The following CDH20 variants were observed in gnomAD, a reference collection of about 807,000 sequenced individuals.
CDH20 encodes the protein cadherin 20.
A neutral mutation model predicts 74.2 loss-of-function variants in CDH20; 29 were observed. The observed-to-expected ratio is 0.39, with a 90% CI of 0.29 to 0.53. The LOEUF (loss-of-function observed/expected upper bound fraction) is 0.53, where lower values mean the gene tolerates loss of function less well. Ranked by LOEUF, CDH20 falls within the 20% of genes least tolerant of loss-of-function variation. CDH20 has a pLI of 0.69. For synonymous variants in CDH20, 469 were observed against 405.4 expected (o/e 1.16, Z -1.88); for missense variants, 988 against 1,048.3 (o/e 0.94, Z 0.79).
In CDH20 at chr18:61,413,137, A is replaced by G. The variant is rs552462476; in HGVS notation, c.-152-77265A>G. 1.2e-4 allele frequency among the ~76,000 whole-genome samples: 18 copies of G among 152,300 alleles called. No individual in the cohort carries two copies. In the East Asian group the frequency reaches 3.5e-3, roughly 29 times the overall value. On this transcript the variant is annotated intron_variant, in intron 1 of 11. Transcript: ENST00000262717. The stretch of plus-strand genomic sequence containing the variant: ...TGCTTTATGTTTATCTTACACATGC[A>G]AATACAAAATGTTTTAATTTTATCT...
chr18:61,553,811 CAG>C (rs1847913632), intron 11 of CDH20, among the ~76,000 whole-genome samples: 1 of 151,982 alleles, frequency 6.6e-6, no homozygotes. Flanking sequence ...ATCATATAAA[CAG>C]AGCACGTGAT....
At chr18:61,468,374 G>T (rs1449619688) in intron 1 of CDH20, among the ~76,000 whole-genome samples, 1 of 152,150 alleles carries the variant, frequency 6.6e-6, no homozygotes, top group East Asian at 1.9e-4. Context: ...CGCTAAGGAT[G>T]TTCTGAGTGA....
rs750738572 is a variant in CDH20, at chr18:61,339,701, T to TC, written c.-153+5874_-153+5875insC. On this transcript the variant is annotated intron_variant, in intron 1 of 11. Transcript: ENST00000262717. ...TAGAAATTTTTTTTTTTTTTTTTTTTTTTTGAGATGGAGTCTCGCTCTGTC... is the reference window on the plus strand; with the variant it reads ...TAGAAATTTTTTTTTTTTTTTTTTTTCTTTTGAGATGGAGTCTCGCTCTGTC... Among the ~76,000 whole-genome samples the TC allele has an allele frequency of 8.8e-3, 1,080 of 122,936 alleles. 10 individuals carry two copies. Among genetic ancestry groups the TC allele is most frequent in the African/African-American group, 0.03 (1,022 of 33,746 alleles). The allele number at this position is 122,936 out of a possible 152,430, so 80.7% of individuals were successfully genotyped here.
At chr18:61,404,829 A>G in intron 1 of CDH20, 1 of 354,224 alleles carries the variant, frequency 2.8e-6, no homozygotes, top group Non-Finnish European at 5.1e-6. Flanking sequence ...AGCACTGGCA[A>G]ATTTTATTAA....
At chr18:61,480,622 G>A (rs1040178137) in intron 1 of CDH20, among the ~76,000 whole-genome samples, 5 of 152,162 alleles carry the variant, frequency 3.3e-5, no homozygotes, top group Admixed American at 1.3e-4. Flanking sequence ...GGATGACTTC[G>A]AATAGGATGG....
intron 1 of CDH20, among the ~76,000 whole-genome samples, chr18:61,463,974 T>G (rs995103842): frequency 6.6e-6 from 1 of 152,112 alleles, no homozygotes; most frequent in Non-Finnish European, 1.5e-5. Flanking sequence ...TTGTTAGCTA[T>G]CCATTAAATG....
intron 1 of CDH20, among the ~76,000 whole-genome samples, chr18:61,442,928 T>G (rs1181546702): frequency 4.0e-5 from 6 of 150,364 alleles, no homozygotes; most frequent in Non-Finnish European, 8.9e-5. Context: ...AAAAAAACAG[T>G]GCTTCCCAGA....
chr18:61,488,276 T>C (rs1253808610), intron 1 of CDH20, among the ~76,000 whole-genome samples: 1 of 152,178 alleles, frequency 6.6e-6, no homozygotes, highest in Non-Finnish European at 1.5e-5. Flanking sequence ...AGACGGGACT[T>C]ATCACAGATG....
At chr18:61,338,302 C>CT (rs796351869) in intron 1 of CDH20, among the ~76,000 whole-genome samples, 1,693 of 149,408 alleles carry the variant, frequency 0.011, 31 homozygotes, top group African/African-American at 0.038. Context: ...GAATTTTATT[C>CT]TTTTTTTTTT....
At chr18:61,449,595 G>T (rs1467877278) in intron 1 of CDH20, among the ~76,000 whole-genome samples, 1 of 152,054 alleles carries the variant, frequency 6.6e-6, no homozygotes, top group Non-Finnish European at 1.5e-5. Flanking sequence ...AAATAGCATA[G>T]TTGTATGGCT....
intron 1 of CDH20, among the ~76,000 whole-genome samples, chr18:61,418,789 G>A (rs1295532038): frequency 6.6e-6 from 1 of 152,016 alleles, no homozygotes; most frequent in Admixed American, 6.6e-5. Context: ...CAAATAAGGA[G>A]CCCTTTGACT....
rs567338521 is a variant in CDH20 at position 61,528,141 on chromosome 18, G to T, written c.1192G>T (p.Val398Leu). ...TGAACCTGGCTTTTACTTTGTGGAG[G>T]TGCCTGAGGATGTGGCGATTGGAAC... ...VFEPGFYFVE[V>L]PEDVAIGTTI... is the part of the protein sequence containing the mutation. The change falls in exon 7 of 12, where the codon GTG becomes TTG. Residue 398 changes from valine to leucine, a missense_variant. By Grantham distance (32) the Val-to-Leu change is conservative. Transcript: ENST00000262717. The T allele has an allele frequency of 6.2e-7, 1 of 1,614,082 alleles. No homozygotes were observed. The highest frequency in any genetic ancestry group is 1.1e-5 in the South Asian group (1 of 91,082).
At chr18:61,391,828 G>C (rs1375505656) in intron 1 of CDH20, 1 of 150,826 alleles carries the variant, frequency 6.6e-6, no homozygotes, top group African/African-American at 2.5e-5. Flanking sequence ...AAAATAAAAA[G>C]ACAGAGATTC....
intron 6 of CDH20, among the ~76,000 whole-genome samples, chr18:61,509,346 G>C (rs1911697613): frequency 6.6e-6 from 1 of 152,206 alleles, no homozygotes; most frequent in Non-Finnish European, 1.5e-5. Context: ...CAGTGTGGGA[G>C]GTGCCCTACA....
Position 61,538,588 on chromosome 18 carries a change from G to GTTTTTTT in CDH20, c.1409-433_1409-432insTTTTTTT, listed in dbSNP as rs1265851069. 7.3e-5 allele frequency among the ~76,000 whole-genome samples: 4 copies of GTTTTTTT among 55,122 alleles called. 1 individual carries two copies. The highest frequency in any genetic ancestry group is 4.1e-4 in the Admixed American group (2 of 4,878). The allele number at this position is 55,122 out of a possible 152,430, so 36.2% of individuals were successfully genotyped here. ...CCAAGTAAATAACTACTTTTTGTTT[G>GTTTTTTT]TTTGTTTGTTTTTGTTTTTGTTTTT... On this transcript the variant is annotated intron_variant, in intron 8 of 11. Coordinates refer to ENST00000262717, the MANE Select transcript of CDH20 (RefSeq NM_031891.4).
At chr18:61,465,647 G>T (rs1909934406) in intron 1 of CDH20, among the ~76,000 whole-genome samples, 2 of 151,280 alleles carry the variant, frequency 1.3e-5, no homozygotes, top group South Asian at 4.2e-4. Flanking sequence ...TTCAAATCAA[G>T]TGAATTGTAA....
chr18:61,402,671 G>A (rs1234652254), intron 1 of CDH20, among the ~76,000 whole-genome samples: 1 of 152,132 alleles, frequency 6.6e-6, no homozygotes, highest in Non-Finnish European at 1.5e-5. Context: ...TACCATTAGG[G>A]TACCATTTAG....
At chr18:61,501,357 T>C (rs1436777009) in intron 4 of CDH20, among the ~76,000 whole-genome samples, 1 of 145,888 alleles carries the variant, frequency 6.9e-6, no homozygotes, top group Non-Finnish European at 1.5e-5. Context: ...TATTATCTTA[T>C]ACTTGTGCCA....
intron 11 of CDH20, among the ~76,000 whole-genome samples, chr18:61,552,741 C>T (rs1275601049): frequency 2.6e-5 from 4 of 152,242 alleles, no homozygotes; most frequent in Non-Finnish European, 5.9e-5. Context: ...ATCCATGTCA[C>T]ACTCAATATT....
Sources: allele counts gnomAD v4.1 joint callset (sites outside exome capture counted in the v4.1 genomes callset), GRCh38; gene constraint gnomAD v4.1.1; transcripts MANE v1.5; gene names NCBI Gene and HGNC (gene_info 2026-07-23, HGNC 2026-07-21).